The following ARID4A variants were observed in gnomAD, a reference collection of about 807,000 sequenced individuals.
ARID4A encodes the protein AT-rich interaction domain 4A.
In ARID4A, 39 loss-of-function variants were observed where a neutral mutation model predicts 148.6. The ratio of observed to expected loss-of-function variants is 0.26; its 90% CI spans 0.20 to 0.34. The LOEUF (loss-of-function observed/expected upper bound fraction) is 0.34, where lower values mean the gene tolerates loss of function less well. ARID4A is among the 10% of genes least tolerant of loss of function. The pLI is 1.00. For synonymous variants in ARID4A, 475 were observed against 481.2 expected, an observed-to-expected ratio of 0.99 and a Z score of 0.17; for missense variants, 1,265 against 1,449.1, an observed-to-expected ratio of 0.87 and a Z score of 2.06.
At position 58,372,282 on chromosome 14, in the gene ARID4A, T is replaced by G. The variant is rs149945755; in HGVS notation, c.*293T>G. 68 of 325,622 alleles carry G rather than the reference T, an allele frequency of 2.1e-4. No homozygotes were observed. The highest frequency in any genetic ancestry group is 1.4e-3 in the African/African-American group (66 of 47,426). The allele number at this position is 325,622 out of a possible 1,614,324, so 20.2% of individuals were successfully genotyped here. A position where few individuals can be genotyped will look rare whatever the true frequency, so the allele number is the denominator to read the frequency against. On this transcript the variant is annotated 3_prime_UTR_variant, in exon 24 of 24. Transcript: ENST00000355431. Reference sequence around the variant, plus strand: ...ACAAAGGGCACTTAGCAAATTTGAATTTGTATAATAAAGCTTTCAGGTGTT... The same window carrying G: ...ACAAAGGGCACTTAGCAAATTTGAAGTTGTATAATAAAGCTTTCAGGTGTT...
At chr14:58,335,379 T>TCTCGG (rs1026107830) in intron 11 of ARID4A, among the ~76,000 whole-genome samples, 2 of 151,460 alleles carry the variant, frequency 1.3e-5, no homozygotes, top group African/African-American at 4.9e-5. Flanking sequence ...AATGGCGTGA[T>TCTCGG]CTCGGCTCAC....
intron 3 of ARID4A, chr14:58,303,434 G>C (rs2031353775): frequency 2.3e-6 from 1 of 439,744 alleles, no homozygotes; most frequent in Non-Finnish European, 4.9e-6. Flanking sequence ...TGGTCTTCCA[G>C]ATTTTTTTTA....
chr14:58,347,032 G>A lies in ARID4A; in HGVS notation c.1087G>A (p.Ala363Thr). ...CTTAATTTTCCAGATTGATAGTGGTGCTGTATGGAAGCAAATTTATATGGA... is the reference window on the plus strand; with the variant it reads ...CTTAATTTTCCAGATTGATAGTGGTACTGTATGGAAGCAAATTTATATGGA... ...QGGCDNIDSG[A>T]VWKQIYMDLG... Residue 363 changes from alanine to threonine, a missense_variant, in exon 14 of 24, where the codon GCT (alanine) becomes ACT (threonine). This residue lies in a region of ARID4A where 249 missense variants were observed against 277.2 expected (regional missense o/e 0.90). Transcript: ENST00000355431. 6.6e-7 allele frequency: 1 copy of A among 1,508,938 alleles called. No homozygotes were observed. The highest frequency in any genetic ancestry group is 1.3e-5 in the South Asian group (1 of 78,556). 93.5% of individuals were successfully genotyped at this position (1,508,938 alleles called of 1,614,324 possible). A position where few individuals can be genotyped will look rare whatever the true frequency, so the allele number is the denominator to read the frequency against.
chr14:58,354,901 G>GT (rs1040284867), intron 17 of ARID4A, among the ~76,000 whole-genome samples: 6 of 152,140 alleles, frequency 3.9e-5, no homozygotes, highest in Non-Finnish European at 5.9e-5. Flanking sequence ...CAATGTTCCT[G>GT]TTTTTTCTGT....
chr14:58,303,411 A>G, intron 3 of ARID4A: 1 of 413,220 alleles, frequency 2.4e-6, no homozygotes. Flanking sequence ...TACGACTCCA[A>G]AGAGATTTGA....
intron 5 of ARID4A, among the ~76,000 whole-genome samples, 187 bp from the exon 6 acceptor site, chr14:58,318,355 T>C (rs1471781972): frequency 3.9e-5 from 6 of 152,242 alleles, no homozygotes; most frequent in Admixed American, 3.9e-4. Flanking sequence ...ATTTAACCTG[T>C]GTTTTTGGTA....
At chr14:58,347,999 C>A in intron 15 of ARID4A, 121 bp downstream of exon 15, 1 of 666,184 alleles carries the variant, frequency 1.5e-6, no homozygotes, top group Non-Finnish European at 2.4e-6. Flanking sequence ...GTATTTAATG[C>A]TGCTTAGCTA....
chr14:58,359,539 T>C (rs1017934947), intron 18 of ARID4A, among the ~76,000 whole-genome samples: 2 of 152,158 alleles, frequency 1.3e-5, no homozygotes, highest in Non-Finnish European at 1.5e-5. Context: ...CATGGATCCA[T>C]CACTATAGTA....
chr14:58,326,399 T>C (rs1057430428), intron 8 of ARID4A, among the ~76,000 whole-genome samples: 1 of 152,166 alleles, frequency 6.6e-6, no homozygotes, highest in African/African-American at 2.4e-5. Context: ...ATCGCGCCAC[T>C]GCACTCCAGC....
intron 16 of ARID4A, among the ~76,000 whole-genome samples, chr14:58,352,625 A>G (rs185734695): frequency 6.9e-4 from 105 of 152,218 alleles, no homozygotes; most frequent in Admixed American, 3.8e-3. Flanking sequence ...TTATCACTCT[A>G]TTATTGGAAG....
Position 58,353,814 on chromosome 14 carries a change from A to G in ARID4A, c.1812A>G (p.Gly604=). ...ASIKSTEIDD[G]EVLYLVHYYG... ...TTAAAAGCACTGAAATTGATGACGG[A>G]GAAGTTTTATATTTGGTACATTACT... is the stretch of plus-strand genomic sequence containing the variant. The change falls in exon 17 of 24, where the codon GGA becomes GGG. Residue 604 remains glycine, a synonymous_variant. Coordinates refer to ENST00000355431, the MANE Select transcript of ARID4A (RefSeq NM_002892.4). 6.2e-7 allele frequency: 1 copy of G among 1,613,938 alleles called. No individual in the cohort carries two copies. Among genetic ancestry groups the G allele is most frequent in the Non-Finnish European group, 8.5e-7 (1 of 1,179,970 alleles).
rs750820971 is a variant in ARID4A, at chr14:58,353,676, A to T, written c.1674A>T (p.Lys558Asn). The change falls in exon 17 of 24, where the codon AAA becomes AAT. Residue 558 changes from lysine (K) to asparagine (N), a missense_variant. Physicochemically the swap from Lys to Asn is moderately conservative, Grantham distance 94. This residue lies in a region of ARID4A where 205 missense variants were observed against 196.9 expected (regional missense o/e 1.04). Coordinates refer to ENST00000355431, the MANE Select transcript of ARID4A (RefSeq NM_002892.4). ...ACTGCAGGGAAGAAACTGAAAGCAA[A>T]TGTGACTCTGAAGGAGAGGAAGATG... is the stretch of plus-strand genomic sequence containing the variant. Reference protein sequence around the residue: ...KSQEREETESKCDSEGEEDEE... With the variant: ...KSQEREETESNCDSEGEEDEE... 3.7e-6 allele frequency: 6 copies of T among 1,614,026 alleles called. No individual in the cohort carries two copies. The Admixed American group carries it at 1.0e-4, about 27-fold the overall frequency.
intron 11 of ARID4A, among the ~76,000 whole-genome samples, chr14:58,334,090 A>G (rs1594914137): frequency 6.6e-6 from 1 of 152,186 alleles, no homozygotes; most frequent in East Asian, 1.9e-4. Flanking sequence ...GTAAGAGTCT[A>G]ACCCAGTTAG....
At chr14:58,345,190 TTAAA>T (rs1333911915) in intron 12 of ARID4A, among the ~76,000 whole-genome samples, 1 of 152,204 alleles carries the variant, frequency 6.6e-6, no homozygotes, top group Non-Finnish European at 1.5e-5. Context: ...GTTTTGGATT[TTAAA>T]TAAATCCTAG....
At chr14:58,361,243 A>ATT (rs562275733) in intron 19 of ARID4A, 18 of 349,434 alleles carry the variant, frequency 5.2e-5, no homozygotes, top group East Asian at 1.7e-4. Context: ...TTGGTTTTTG[A>ATT]TTTTTTTTTT....
chr14:58,323,341 T>A, intron 7 of ARID4A, 144 bp from the exon 8 acceptor site: 1 of 925,592 alleles, frequency 1.1e-6, no homozygotes, highest in Non-Finnish European at 1.6e-6. Flanking sequence ...GAAGGACCCA[T>A]GTCTTCAGTT....
At chr14:58,331,878 G>C (rs2033537839) in intron 11 of ARID4A, among the ~76,000 whole-genome samples, 1 of 107,422 alleles carries the variant, frequency 9.3e-6, no homozygotes, top group Non-Finnish European at 1.8e-5. Flanking sequence ...CTGTGATTTA[G>C]CTTTTGTTTT....
At chr14:58,321,236 G>A (rs1212344888) in intron 7 of ARID4A, among the ~76,000 whole-genome samples, 3 of 152,138 alleles carry the variant, frequency 2.0e-5, no homozygotes, top group Non-Finnish European at 4.4e-5. Context: ...ATTTTATCAT[G>A]TACTAATAAT....
At chr14:58,333,282 A>G (rs1460251488) in intron 11 of ARID4A, among the ~76,000 whole-genome samples, 2 of 152,136 alleles carry the variant, frequency 1.3e-5, no homozygotes, top group Non-Finnish European at 1.5e-5. Context: ...ATTAGAAAAG[A>G]TATTACTGGA....
Sources: allele counts gnomAD v4.1 joint callset (sites outside exome capture counted in the v4.1 genomes callset), GRCh38; gene constraint gnomAD v4.1.1; regional missense constraint gnomAD v4.1.1; transcripts MANE v1.5; gene names NCBI Gene and HGNC (gene_info 2026-07-23, HGNC 2026-07-21).